The following SLC12A3 variants were observed in gnomAD, a reference collection of about 807,000 sequenced individuals.
SLC12A3 encodes the protein Na-Cl cotransporter.
In SLC12A3, 104 loss-of-function variants were observed where a neutral mutation model predicts 121.0. The observed-to-expected ratio is 0.86, with a 90% CI of 0.73 to 1.01. The LOEUF is 1.01. Among genes scored for constraint, SLC12A3 ranks in the 50% least tolerant of loss-of-function variants. SLC12A3 has a pLI of 0.00. For missense variants in SLC12A3, 1,328 were observed against 1,356.3 expected (o/e 0.98, Z 0.33); for synonymous variants, 536 against 533.4 (o/e 1.00, Z -0.07).
At chr16:56,892,014 G>A (rs980026744) in intron 19 of SLC12A3, 69 bp from the exon 20 acceptor site, 1 of 1,189,984 alleles carries the variant, frequency 8.4e-7, no homozygotes, top group African/African-American at 1.5e-5. Flanking sequence ...AGGGAGCCCT[G>A]TCAAGGAGGA....
At chr16:56,905,957 A>G (rs369213149) in intron 25 of SLC12A3, among the ~76,000 whole-genome samples, 1 of 152,182 alleles carries the variant, frequency 6.6e-6, no homozygotes, top group Non-Finnish European at 1.5e-5. Flanking sequence ...GTGCCTCATC[A>G]AGCTTGCTTT....
chr16:56,892,843 G>A, intron 20 of SLC12A3, 110 bp from the exon 21 acceptor site: 1 of 825,512 alleles, frequency 1.2e-6, no homozygotes, highest in Non-Finnish European at 2.0e-6. Context: ...TGTTCCACCT[G>A]CCAGAGAACC....
At chr16:56,904,203 A>G in intron 24 of SLC12A3, 192 bp from the exon 25 acceptor site, 1 of 591,992 alleles carries the variant, frequency 1.7e-6, no homozygotes. Context: ...GGAGGAGGTG[A>G]GCTTGGTGCT....
At chr16:56,892,030 C>T (rs530202552) in intron 19 of SLC12A3, 53 bp from the exon 20 acceptor site, 106 of 1,368,246 alleles carry the variant, frequency 7.7e-5, no homozygotes, top group African/African-American at 3.6e-4. Context: ...GAGGAACCCA[C>T]GGTGCCCTCA....
At chr16:56,867,750 G>A (rs572989517) in intron 2 of SLC12A3, among the ~76,000 whole-genome samples, 1 of 152,328 alleles carries the variant, frequency 6.6e-6, no homozygotes, top group Admixed American at 6.5e-5. Flanking sequence ...CCTGGGCTGT[G>A]TTGCCAGAGC....
At chr16:56,877,227 A>T (rs766662117) in intron 8 of SLC12A3, among the ~76,000 whole-genome samples, 7 of 152,080 alleles carry the variant, frequency 4.6e-5, no homozygotes, top group Non-Finnish European at 7.4e-5. Flanking sequence ...CCCCGTCTCT[A>T]CTAAAAATAC....
At chr16:56,882,878 G>T (rs948803672) in intron 13 of SLC12A3, among the ~76,000 whole-genome samples, 1 of 152,038 alleles carries the variant, frequency 6.6e-6, no homozygotes, top group African/African-American at 2.4e-5. Flanking sequence ...GAAAGGGGAG[G>T]TTACAGTGAG....
chr16:56,868,145 C>A, intron 2 of SLC12A3, 152 bp from the exon 3 acceptor site: 1 of 732,482 alleles, frequency 1.4e-6, no homozygotes, highest in Non-Finnish European at 2.4e-6. Context: ...CCCCATAGAA[C>A]CAGACTCGGA....
chr16:56,877,637 G>A (rs777398168), intron 8 of SLC12A3, among the ~76,000 whole-genome samples: 77 of 152,232 alleles, frequency 5.1e-4, no homozygotes, highest in Non-Finnish European at 9.0e-4. Context: ...ACAGATGAGG[G>A]GCCGGGGTGT....
In SLC12A3 at chr16:56,874,924, G is replaced by A. The variant is rs1028081285; in HGVS notation, c.1095+2138G>A. Among the ~76,000 whole-genome samples, 6 of 152,326 alleles carry A rather than the reference G, an allele frequency of 3.9e-5. No homozygotes were observed. In the East Asian group the frequency reaches 9.6e-4, roughly 24 times the overall value. Reference sequence around the variant, plus strand: ...AGGGCCTGGAAATTGGAGAACAGCCGTTGGTTTGGCTCCTCTCCTTTTTCT... The same window carrying A: ...AGGGCCTGGAAATTGGAGAACAGCCATTGGTTTGGCTCCTCTCCTTTTTCT... On this transcript the variant is annotated intron_variant, in intron 8 of 25. Transcript: ENST00000563236.
chr16:56,884,080 G>C lies in SLC12A3; in HGVS notation c.1701G>C (p.Lys567Asn). 3.1e-6 allele frequency: 5 copies of C among 1,614,234 alleles called. No individual in the cohort carries two copies. Among genetic ancestry groups the C allele is most frequent in the Non-Finnish European group, 4.2e-6 (5 of 1,180,034 alleles). Residue 567 changes from lysine (K) to asparagine (N), a missense_variant, in exon 14 of 26, where the codon AAG (lysine) becomes AAC (asparagine). Lys to Asn is a moderately conservative substitution (Grantham distance 94). Coordinates refer to ENST00000563236, the MANE Select transcript of SLC12A3 (RefSeq NM_001126108.2). Reference sequence around the variant, plus strand: ...GACCTTCATTCCAATACTACAACAAGTGGGCGGCGCTGTTTGGGGCTATCA... The same window carrying C: ...GACCTTCATTCCAATACTACAACAACTGGGCGGCGCTGTTTGGGGCTATCA... ...GWRPSFQYYNKWAALFGAIIS... is the reference protein window; with the variant it reads ...GWRPSFQYYNNWAALFGAIIS...
rs759009073 is a variant in SLC12A3, at chr16:56,870,679, G to A, written c.795G>A (p.Val265=). ...TTAACGACATCCGCATCATTGCCGT[G>A]GTCTCGGTCACTGTGCTGCTGGCCA... ...DPINDIRIIA[V]VSVTVLLAIS... is the part of the protein sequence containing the mutation. Residue 265 remains valine, a synonymous_variant, in exon 6 of 26, where the codon GTG becomes GTA. Transcript: ENST00000563236. 2.9e-5 allele frequency: 47 copies of A among 1,613,888 alleles called. No individual in the cohort carries two copies. Among genetic ancestry groups the A allele is most frequent in the Non-Finnish European group, 3.7e-5 (44 of 1,179,884 alleles).
At chr16:56,872,511 C>A in intron 7 of SLC12A3, 49 bp downstream of exon 7, 1 of 1,587,022 alleles carries the variant, frequency 6.3e-7, no homozygotes, top group Non-Finnish European at 8.6e-7. Flanking sequence ...CAGGGACTCT[C>A]TACCCAGGAA....
In SLC12A3 at chr16:56,872,392, C is replaced by T. The variant is rs78870559; in HGVS notation, c.894C>T (p.Ala298=). The T allele has an allele frequency of 6.2e-7, 1 of 1,614,148 alleles. No homozygotes were observed. Among genetic ancestry groups the T allele is most frequent in the Admixed American group, 1.7e-5 (1 of 60,026 alleles). ...LFFLVIMVSF[A]NYLVGTLIPP... ...TCCTTGTCATCATGGTCTCCTTTGCCAACTATTTAGTGGGGACGCTGATCC... is the reference window on the plus strand; with the variant it reads ...TCCTTGTCATCATGGTCTCCTTTGCTAACTATTTAGTGGGGACGCTGATCC... Residue 298 remains alanine, a synonymous_variant, in exon 7 of 26, where the codon GCC becomes GCT. Transcript: ENST00000563236.
At chr16:56,904,220 C>A (rs1427563439) in intron 24 of SLC12A3, 175 bp from the exon 25 acceptor site, 1 of 651,656 alleles carries the variant, frequency 1.5e-6, no homozygotes, top group Non-Finnish European at 2.8e-6. Flanking sequence ...TGCTCCATTA[C>A]TCTGAGGGTC....
intron 13 of SLC12A3, among the ~76,000 whole-genome samples, chr16:56,883,757 C>T (rs777942285): frequency 6.6e-6 from 1 of 152,206 alleles, no homozygotes; most frequent in Non-Finnish European, 1.5e-5. Flanking sequence ...CATCTCACCC[C>T]CTTGGCACCA....
At chr16:56,901,895 C>A (rs1428765693) in intron 23 of SLC12A3, among the ~76,000 whole-genome samples, 1 of 152,210 alleles carries the variant, frequency 6.6e-6, no homozygotes, top group African/African-American at 2.4e-5. Flanking sequence ...TTCTGCACCC[C>A]CTGTCCCGTG....
At chr16:56,889,179 T>C (rs1357052308) in intron 18 of SLC12A3, among the ~76,000 whole-genome samples, 1 of 151,874 alleles carries the variant, frequency 6.6e-6, no homozygotes, top group African/African-American at 2.4e-5. Flanking sequence ...TGCTTCCAGG[T>C]ATGCTGTTAA....
rs371482489 is a variant in SLC12A3, at chr16:56,879,670, C to T, written c.1443+21C>T. 43 of 1,578,086 alleles carry T rather than the reference C, an allele frequency of 2.7e-5. No homozygotes were observed. The African/African-American group carries it at 3.1e-4, about 11-fold the overall frequency. The stretch of plus-strand genomic sequence containing the variant: ...TCCAGGTGAGGCCGCAGAAAGGGGT[C>T]GAGATGACAGGGGGTGGGGAGCCTG... On this transcript the variant is annotated intron_variant, in intron 11 of 25. Transcript: ENST00000563236.
Sources: allele counts gnomAD v4.1 joint callset (sites outside exome capture counted in the v4.1 genomes callset), GRCh38; gene constraint gnomAD v4.1.1; transcripts MANE v1.5; gene names NCBI Gene and HGNC (gene_info 2026-07-23, HGNC 2026-07-21).